The following HNRNPLL variants were observed in gnomAD, a reference collection of about 807,000 sequenced individuals.
HNRNPLL encodes the protein heterogeneous nuclear ribonucleoprotein L like.
A neutral mutation model predicts 67.1 loss-of-function variants in HNRNPLL; 25 were observed. The observed-to-expected ratio is 0.37, with a 90% CI of 0.27 to 0.52. HNRNPLL has a LOEUF of 0.52. Ranked by LOEUF, HNRNPLL falls within the 20% of genes least tolerant of loss-of-function variation. The pLI, the probability that HNRNPLL is intolerant of heterozygous loss-of-function variation, is 0.90. For missense variants in HNRNPLL, 542 were observed against 673.9 expected (o/e 0.80, Z 2.17); for synonymous variants, 267 against 241.7 (o/e 1.10, Z -0.97).
chr2:38,591,473 AAGCAAGGAT>A, intron 2 of HNRNPLL, 48 bp downstream of exon 2: 1 of 914,348 alleles, frequency 1.1e-6, no homozygotes, highest in South Asian at 1.3e-5. Context: ...TGTAACAAGC[AAGCAAGGAT>A]TATTCTACCA....
chr2:38,600,124 T>G (rs528930957), intron 1 of HNRNPLL: 57 of 197,976 alleles, frequency 2.9e-4, no homozygotes, highest in African/African-American at 1.3e-3. Context: ...AAAAATTACA[T>G]GAAAAATATT....
chr2:38,563,404 TTATC>T lies in HNRNPLL; in HGVS notation c.*774_*777del, dbSNP rs1180435802. 6.6e-6 allele frequency: 1 copy of T among 152,102 alleles called. No homozygotes were observed. Among genetic ancestry groups the T allele is most frequent in the East Asian group, 1.9e-4 (1 of 5,200 alleles). The allele number at this position is 152,102 out of a possible 1,614,324, so 9.4% of individuals were successfully genotyped here. A position where few individuals can be genotyped will look rare whatever the true frequency, so the allele number is the denominator to read the frequency against. On this transcript the variant is annotated 3_prime_UTR_variant, in exon 13 of 13. Coordinates refer to ENST00000449105, the MANE Select transcript of HNRNPLL (RefSeq NM_138394.4). ...AAGCCCACCCATGGATCCCAGATTA[TTATC>T]TATAAGAGGAACTGTTAATTATAAC... is the stretch of plus-strand genomic sequence containing the variant.
rs1041930347 is a variant in HNRNPLL, at chr2:38,579,435, A to T, written c.803-1903T>A. 7.2e-5 allele frequency among the ~76,000 whole-genome samples: 11 copies of T among 151,832 alleles called. No homozygotes were observed. The East Asian group carries it at 9.6e-4, about 13-fold the overall frequency. ...AATAATAAAATAAAATAAAATAATT[A>T]AAAAATTAATAATAATTCACTTCAT... On this transcript the variant is annotated intron_variant, in intron 6 of 12. Coordinates refer to ENST00000449105, the MANE Select transcript of HNRNPLL (RefSeq NM_138394.4).
rs544519338 is a variant in HNRNPLL, at chr2:38,569,062, A to G, written c.1416+71T>C. On this transcript the variant is annotated intron_variant, in intron 10 of 12. Coordinates refer to ENST00000449105, the MANE Select transcript of HNRNPLL (RefSeq NM_138394.4). Reference sequence around the variant, plus strand: ...CAAAAGAATGAGCAAAACGACTTCAAAATGAAGCTAAAACAGATTTTAAAA... The same window carrying G: ...CAAAAGAATGAGCAAAACGACTTCAGAATGAAGCTAAAACAGATTTTAAAA... 9.0e-5 allele frequency: 100 copies of G among 1,113,158 alleles called. 2 individuals carry two copies. In the Middle Eastern group the frequency reaches 1.6e-3, roughly 18 times the overall value. The allele number at this position is 1,113,158 out of a possible 1,614,324, so 69.0% of individuals were successfully genotyped here.
rs1665822652 is a variant in HNRNPLL at position 38,565,508 on chromosome 2, C to A, written c.1574-1271G>T. On this transcript the variant is annotated intron_variant, in intron 12 of 12. Coordinates refer to ENST00000449105, the MANE Select transcript of HNRNPLL (RefSeq NM_138394.4). ...ACTGCTTGAGGCCAGGAGTTCAAGA[C>A]CACCAGCCTGGGCAACACAGCAGGA... is the stretch of plus-strand genomic sequence containing the variant. 7.2e-5 allele frequency among the ~76,000 whole-genome samples: 11 copies of A among 151,834 alleles called. No individual in the cohort carries two copies. The South Asian group carries it at 2.3e-3, about 32-fold the overall frequency.
Position 38,569,192 on chromosome 2 carries a change from A to C in HNRNPLL, c.1357T>G (p.Ser453Ala). ...ACATTATAATAATGCAAAACACAGG[A>C]GGGTGGCTGGATTATATTCTTAGAT... ...QASKNIIQPP[S>A]CVLHYYNVPL... Residue 453 changes from serine (S) to alanine (A), a missense_variant, in exon 10 of 13, where the codon TCC (serine) becomes GCC (alanine). By Grantham distance (99) the Ser-to-Ala change is moderately conservative (BLOSUM62 1). This residue lies in a region of HNRNPLL where 415 missense variants were observed against 575.2 expected (regional missense o/e 0.72). Coordinates refer to ENST00000449105, the MANE Select transcript of HNRNPLL (RefSeq NM_138394.4). 1 of 1,613,444 alleles carries C rather than the reference A, an allele frequency of 6.2e-7. No homozygotes were observed. The highest frequency in any genetic ancestry group is 2.2e-5 in the East Asian group (1 of 44,852).
chr2:38,598,329 G>C (rs958126697), intron 1 of HNRNPLL, among the ~76,000 whole-genome samples: 1 of 152,114 alleles, frequency 6.6e-6, no homozygotes, highest in South Asian at 2.1e-4. Context: ...ACAGAGAAAA[G>C]GAGAATTGAA....
intron 8 of HNRNPLL, among the ~76,000 whole-genome samples, chr2:38,572,726 TGA>T (rs1192539819): frequency 1.3e-5 from 2 of 152,092 alleles, no homozygotes; most frequent in Non-Finnish European, 2.9e-5. Context: ...AAATACTGGT[TGA>T]GCTAAATGCA....
chr2:38,582,274 G>A (rs1666558598), intron 4 of HNRNPLL, 106 bp from the exon 5 acceptor site: 8 of 771,118 alleles, frequency 1.0e-5, no homozygotes, highest in Non-Finnish European at 1.8e-5. Context: ...TTTACTTCTG[G>A]AAATGTTTTA....
At position 38,602,927 on chromosome 2, in the gene HNRNPLL, A is replaced by T. The variant is rs952415173; in HGVS notation, c.-301T>A. On this transcript the variant is annotated 5_prime_UTR_variant, in exon 1 of 13. Coordinates refer to ENST00000449105, the MANE Select transcript of HNRNPLL (RefSeq NM_138394.4). ...CCTGCCCGGAGGAGCGAATCTAAGG[A>T]TGGGGACGCAACCGTGGCTTCCGGT... The T allele has an allele frequency of 3.3e-6, 5 of 1,497,124 alleles. No homozygotes were observed. The highest frequency in any genetic ancestry group is 4.5e-6 in the Non-Finnish European group (5 of 1,099,810). The allele number at this position is 1,497,124 out of a possible 1,614,324, so 92.7% of individuals were successfully genotyped here.
At chr2:38,600,647 C>G (rs1358347187) in intron 1 of HNRNPLL, among the ~76,000 whole-genome samples, 1 of 151,734 alleles carries the variant, frequency 6.6e-6, no homozygotes, top group African/African-American at 2.4e-5. Flanking sequence ...GTAGGAGGAT[C>G]GCTTGAGACA....
intron 12 of HNRNPLL, chr2:38,566,232 G>T: frequency 4.9e-6 from 1 of 204,080 alleles, no homozygotes; most frequent in Non-Finnish European, 8.7e-6. Context: ...GCTGGGTGTG[G>T]TGGTGGGTGC....
At chr2:38,598,325 A>G (rs1667293736) in intron 1 of HNRNPLL, among the ~76,000 whole-genome samples, 1 of 152,180 alleles carries the variant, frequency 6.6e-6, no homozygotes, top group Admixed American at 6.5e-5. Flanking sequence ...CTATACAGAG[A>G]AAAGGAGAAT....
At chr2:38,585,620 C>A in intron 3 of HNRNPLL, 24 bp downstream of exon 3, 1 of 1,434,262 alleles carries the variant, frequency 7.0e-7, no homozygotes, top group South Asian at 1.1e-5. Context: ...CTTTTAATTT[C>A]ATTTGTCATA....
At position 38,602,357 on chromosome 2, in the gene HNRNPLL, G is replaced by C. The variant is rs1457364224; in HGVS notation, c.189+81C>G. ...GGCGCAGCGGAAAAGGCTAACTGAAGCAAGCGGGAGGCCCCGCACCGAGGC... is the reference window on the plus strand; with the variant it reads ...GGCGCAGCGGAAAAGGCTAACTGAACCAAGCGGGAGGCCCCGCACCGAGGC... On this transcript the variant is annotated intron_variant, in intron 1 of 12. Transcript: ENST00000449105. The C allele has an allele frequency of 3.7e-6, 5 of 1,362,580 alleles. No individual in the cohort carries two copies. In the African/African-American group the frequency reaches 7.4e-5, roughly 20 times the overall value. 84.4% of individuals were successfully genotyped at this position (1,362,580 alleles called of 1,614,324 possible).
At chr2:38,587,980 T>G (rs759642569) in intron 2 of HNRNPLL, among the ~76,000 whole-genome samples, 4 of 152,100 alleles carry the variant, frequency 2.6e-5, no homozygotes, top group Non-Finnish European at 4.4e-5. Flanking sequence ...CCTCTCTTTT[T>G]TTTCTCTCTC....
intron 4 of HNRNPLL, 38 bp downstream of exon 4, chr2:38,583,803 G>A: frequency 1.0e-6 from 1 of 957,434 alleles, no homozygotes. Context: ...AGATCCGTAT[G>A]AATTACACAT....
Position 38,582,153 on chromosome 2 carries a change from A to C in HNRNPLL, c.648T>G (p.Leu216=). 6.2e-7 allele frequency: 1 copy of C among 1,613,578 alleles called. No homozygotes were observed. The highest frequency in any genetic ancestry group is 8.5e-7 in the Non-Finnish European group (1 of 1,179,492). Residue 216 remains leucine (L), a synonymous_variant, in exon 5 of 13, where the codon CTT becomes CTG. Transcript: ENST00000449105. ...GTGCTGCTTTAGCTTTCTGGGCACA[A>C]AGGACTGATTCAAACATAAGCTCTA... ...IQAMVEFESV[L]CAQKAKAALN...
At chr2:38,574,930 A>G (rs1479890155) in intron 7 of HNRNPLL, among the ~76,000 whole-genome samples, 2 of 151,882 alleles carry the variant, frequency 1.3e-5, no homozygotes, top group Non-Finnish European at 2.9e-5. Flanking sequence ...TCCTATTGCA[A>G]AAGTACATAT....
Sources: gnomAD v4.1 joint callset for allele counts (sites outside exome capture counted in the v4.1 genomes callset) on GRCh38, gnomAD v4.1.1 for gene constraint, gnomAD v4.1.1 regional missense constraint, MANE v1.5 for transcripts, NCBI Gene and HGNC (gene_info 2026-07-23, HGNC 2026-07-21) for gene names.